LRRN1: variants seen among roughly 807,000 people sequenced by gnomAD.
The protein encoded by LRRN1 is leucine rich repeat neuronal 1, also known as leucine-rich repeat neuronal protein 1.
LRRN1 carries 14 observed loss-of-function variants against 45.8 expected under a neutral mutation model. That is an observed-to-expected ratio of 0.31 (90% CI 0.20 to 0.48). The LOEUF (loss-of-function observed/expected upper bound fraction) is 0.48, where lower values mean the gene tolerates loss of function less well. Ranked by LOEUF, LRRN1 falls within the 20% of genes least tolerant of loss-of-function variation. The pLI, the probability that LRRN1 is intolerant of heterozygous loss-of-function variation, is 0.99. For synonymous variants in LRRN1, 359 were observed against 330.1 expected (o/e 1.09, Z -0.95); for missense variants, 789 against 874.2 (o/e 0.90, Z 1.23).
chr3:3,807,274 C>T (rs933183536), intron 1 of LRRN1, among the ~76,000 whole-genome samples: 4 of 152,098 alleles, frequency 2.6e-5, no homozygotes, highest in East Asian at 3.9e-4. Context: ...AGTTAGAAAA[C>T]GAGATAGAAA....
In LRRN1 at chr3:3,799,848, C is replaced by A; in HGVS notation, c.-350C>A. 1 of 163,448 alleles carries A rather than the reference C, an allele frequency of 6.1e-6. No individual in the cohort carries two copies. The highest frequency in any genetic ancestry group is 1.3e-5 in the Non-Finnish European group (1 of 76,252). The allele number at this position is 163,448 out of a possible 1,614,324, so 10.1% of individuals were successfully genotyped here. On this transcript the variant is annotated 5_prime_UTR_variant, in exon 1 of 2. In the 5' UTR this introduces an upstream ATG that the reference lacks. Transcript: ENST00000319331. ...CCTCGTCTTTCTCCTCCTCCTGCTG[C>A]TGCTGCCGCCGCCGCCGCCGTGGGT...
chr3:3,838,414 A>G (rs1693572800), intron 1 of LRRN1, among the ~76,000 whole-genome samples: 1 of 152,290 alleles, frequency 6.6e-6, no homozygotes, highest in East Asian at 1.9e-4. Flanking sequence ...CATTTTCCTT[A>G]TCCATTCATT....
chr3:3,846,503 T>C lies in LRRN1; in HGVS notation c.1862T>C (p.Val621Ala). ...NVTTKNAAFA[V>A]DISDQETSTA... ...ACAACCAAAAATGCCGCCTTCGCAGTGGACATCTCTGATCAAGAAACCAGT... is the reference window on the plus strand; with the variant it reads ...ACAACCAAAAATGCCGCCTTCGCAGCGGACATCTCTGATCAAGAAACCAGT... The change falls in exon 2 of 2, where the codon GTG becomes GCG. Residue 621 changes from valine (V) to alanine (A), a missense_variant. By Grantham distance (64) the Val-to-Ala change is moderately conservative. Coordinates refer to ENST00000319331, the MANE Select transcript of LRRN1 (RefSeq NM_020873.7). The surrounding 1 kb of genome is among the most constrained non-coding windows in gnomAD (Gnocchi z 5.7). 1.2e-6 allele frequency: 2 copies of C among 1,614,158 alleles called. No homozygotes were observed. Among genetic ancestry groups the C allele is most frequent in the East Asian group, 2.2e-5 (1 of 44,874 alleles).
intron 1 of LRRN1, among the ~76,000 whole-genome samples, chr3:3,815,542 G>A (rs1364763457): frequency 6.6e-6 from 1 of 152,114 alleles, no homozygotes; most frequent in Middle Eastern, 3.2e-3. Flanking sequence ...GGTACTAGCT[G>A]GATTTTTGAG....
At position 3,846,254 on chromosome 3, in the gene LRRN1, C is replaced by G; in HGVS notation, c.1613C>G (p.Ser538Cys). 1 of 1,614,052 alleles carries G rather than the reference C, an allele frequency of 6.2e-7. No homozygotes were observed. The highest frequency in any genetic ancestry group is 8.5e-7 in the Non-Finnish European group (1 of 1,180,026). ...TACGTCAAGCAGACAGAATCCCATTCCATCTTAGTGTCCTGGAAAGTTAAT... is the reference window on the plus strand; with the variant it reads ...TACGTCAAGCAGACAGAATCCCATTGCATCTTAGTGTCCTGGAAAGTTAAT... ...KIYVKQTESH[S>C]ILVSWKVNSN... is the part of the protein sequence containing the mutation. Residue 538 changes from serine (S) to cysteine (C), a missense_variant, in exon 2 of 2, where the codon TCC becomes TGC. Transcript: ENST00000319331. This position sits in a 1 kb window ranked among gnomAD's most constrained non-coding sequence, Gnocchi z 5.7.
chr3:3,805,115 A>G (rs1232764382), intron 1 of LRRN1, among the ~76,000 whole-genome samples: 1 of 152,170 alleles, frequency 6.6e-6, no homozygotes, highest in Non-Finnish European at 1.5e-5. Flanking sequence ...AGTCATTTTC[A>G]ATTTGCAGGG....
intron 1 of LRRN1, among the ~76,000 whole-genome samples, chr3:3,832,471 C>A (rs1185029217): frequency 3.9e-5 from 6 of 152,278 alleles, no homozygotes; most frequent in African/African-American, 1.4e-4. Flanking sequence ...CCTGCATAAG[C>A]CCCTGCTTTA....
intron 1 of LRRN1, among the ~76,000 whole-genome samples, chr3:3,817,263 T>A (rs1031878343): frequency 6.6e-6 from 1 of 152,192 alleles, no homozygotes; most frequent in African/African-American, 2.4e-5. Context: ...ATTAAAAATG[T>A]CTAGTTCTTT....
intron 1 of LRRN1, among the ~76,000 whole-genome samples, chr3:3,840,889 C>G (rs1000751600): frequency 1.3e-5 from 2 of 152,168 alleles, no homozygotes; most frequent in Non-Finnish European, 2.9e-5. Flanking sequence ...TAATGTTGAA[C>G]CTATAGCCCC....
intron 1 of LRRN1, among the ~76,000 whole-genome samples, chr3:3,832,069 G>A (rs925751082): frequency 1.3e-5 from 2 of 152,198 alleles, no homozygotes; most frequent in Non-Finnish European, 2.9e-5. Flanking sequence ...TTGGAGTCAC[G>A]ACTTAGTTAA....
At chr3:3,800,845 C>A (rs1264968979) in intron 1 of LRRN1, 1 of 152,506 alleles carries the variant, frequency 6.6e-6, no homozygotes, top group Non-Finnish European at 1.5e-5. Context: ...AGAGCTGGCG[C>A]TGAGTTCCCG....
At chr3:3,832,073 T>C (rs935735305) in intron 1 of LRRN1, among the ~76,000 whole-genome samples, 1 of 152,204 alleles carries the variant, frequency 6.6e-6, no homozygotes, top group African/African-American at 2.4e-5. Flanking sequence ...AGTCACGACT[T>C]AGTTAAGCTC....
At chr3:3,838,463 T>C (rs1693574880) in intron 1 of LRRN1, among the ~76,000 whole-genome samples, 1 of 152,218 alleles carries the variant, frequency 6.6e-6, no homozygotes, top group African/African-American at 2.4e-5. Context: ...CTCTTGGCTA[T>C]TGTGAATAAT....
At chr3:3,800,195 G>A (rs1477710118) in intron 1 of LRRN1, among the ~76,000 whole-genome samples, 1 of 150,962 alleles carries the variant, frequency 6.6e-6, no homozygotes, top group East Asian at 2.0e-4. Flanking sequence ...AGGCCAGATA[G>A]AAACAGGCAA....
intron 1 of LRRN1, among the ~76,000 whole-genome samples, chr3:3,815,852 T>C (rs942382219): frequency 1.6e-4 from 25 of 152,180 alleles, no homozygotes; most frequent in Admixed American, 8.5e-4. Flanking sequence ...CCTAGACATA[T>C]ATGATTGCAC....
intron 1 of LRRN1, among the ~76,000 whole-genome samples, chr3:3,807,488 A>C (rs1164615200): frequency 3.3e-5 from 5 of 152,214 alleles, no homozygotes; most frequent in African/African-American, 2.4e-5. Flanking sequence ...GACAGATTTC[A>C]TACAAGTTTA....
chr3:3,803,490 G>A (rs1462689396), intron 1 of LRRN1, among the ~76,000 whole-genome samples: 1 of 152,142 alleles, frequency 6.6e-6, no homozygotes, highest in African/African-American at 2.4e-5. Context: ...CTAATGTCAG[G>A]TTATTCAAAT....
In LRRN1 at chr3:3,845,846, C is replaced by T. The variant is rs765078194; in HGVS notation, c.1205C>T (p.Pro402Leu). The T allele has an allele frequency of 2.5e-6, 4 of 1,614,084 alleles. No individual in the cohort carries two copies. Among genetic ancestry groups the T allele is most frequent in the South Asian group, 1.1e-5 (1 of 91,080 alleles). Reference protein sequence around the residue: ...MEPLSMFCAMPPEYKGHQVKE... With the variant: ...MEPLSMFCAMLPEYKGHQVKE... Reference sequence around the variant, plus strand: ...CCCCTGTCCATGTTCTGTGCCATGCCGCCCGAATATAAAGGGCACCAGGTG... The same window carrying T: ...CCCCTGTCCATGTTCTGTGCCATGCTGCCCGAATATAAAGGGCACCAGGTG... The change falls in exon 2 of 2, where the codon CCG becomes CTG. Residue 402 changes from proline to leucine, a missense_variant. Coordinates refer to ENST00000319331, the MANE Select transcript of LRRN1 (RefSeq NM_020873.7). This position sits in a 1 kb window ranked among gnomAD's most constrained non-coding sequence, Gnocchi z 6.5.
At position 3,845,040 on chromosome 3, in the gene LRRN1, G is replaced by A. The variant is rs1321810383; in HGVS notation, c.399G>A (p.Glu133=). The change falls in exon 2 of 2, where the codon GAG becomes GAA. Residue 133 remains glutamate, a synonymous_variant. Coordinates refer to ENST00000319331, the MANE Select transcript of LRRN1 (RefSeq NM_020873.7). The surrounding 1 kb of genome is among the most constrained non-coding windows in gnomAD (Gnocchi z 6.5). ...TLHLEENQIT[E]MTDYCLQDLS... ...ATTTGGAGGAAAATCAGATTACCGA[G>A]ATGACTGATTACTGTCTACAAGACC... 1.9e-6 allele frequency: 3 copies of A among 1,614,142 alleles called. No homozygotes were observed. Among genetic ancestry groups the A allele is most frequent in the South Asian group, 2.2e-5 (2 of 91,080 alleles).
Sources: gnomAD v4.1 joint callset for allele counts (sites outside exome capture counted in the v4.1 genomes callset) on GRCh38, gnomAD v4.1.1 for gene constraint, Gnocchi (gnomAD v3.1) non-coding constraint, MANE v1.5 for transcripts, NCBI Gene and HGNC (gene_info 2026-07-23, HGNC 2026-07-21) for gene names.